Variants in ADCY8 observed in about 807,000 individuals in gnomAD.
ADCY8 encodes adenylate cyclase type 8.
In ADCY8, 51 loss-of-function variants were observed where a neutral mutation model predicts 119.7. That is an observed-to-expected ratio of 0.43 (90% CI 0.34 to 0.54). The LOEUF (loss-of-function observed/expected upper bound fraction) is 0.54. Ranked by LOEUF, ADCY8 falls within the 20% of genes least tolerant of loss-of-function variation. The pLI, the probability that ADCY8 is intolerant of heterozygous loss-of-function variation, is 0.03. For synonymous variants in ADCY8, 665 were observed against 651.0 expected (o/e 1.02, Z -0.33); for missense variants, 1,383 against 1,598.8 (o/e 0.87, Z 2.30).
chr8:130,943,126 C>G (rs923168165), intron 4 of ADCY8, among the ~76,000 whole-genome samples: 1 of 152,182 alleles, frequency 6.6e-6, no homozygotes, highest in African/African-American at 2.4e-5. Context: ...GTCACTCAAC[C>G]AGCCGTCTCT....
chr8:130,874,062 C>T lies in ADCY8; in HGVS notation c.2110-6116G>A, dbSNP rs1052998137. 4.6e-5 allele frequency among the ~76,000 whole-genome samples: 7 copies of T among 152,158 alleles called. 1 individual carries two copies. The South Asian group carries it at 1.2e-3, about 27-fold the overall frequency. On this transcript the variant is annotated intron_variant, in intron 8 of 17. Coordinates refer to ENST00000286355, the MANE Select transcript of ADCY8 (RefSeq NM_001115.3). The stretch of plus-strand genomic sequence containing the variant: ...GTGGCTCATGCCTGTAATCCCAGTG[C>T]TTTGGGAGGCCGAGGTGGGTGGATC...
At chr8:130,994,894 G>T (rs1822718035) in intron 1 of ADCY8, among the ~76,000 whole-genome samples, 1 of 152,022 alleles carries the variant, frequency 6.6e-6, no homozygotes, top group South Asian at 2.1e-4. Context: ...TCTGAACATT[G>T]TGGGCATGTT....
chr8:130,904,180 T>C (rs538614220), intron 6 of ADCY8, 138 bp from the exon 7 acceptor site: 9 of 855,654 alleles, frequency 1.1e-5, no homozygotes, highest in African/African-American at 3.3e-5. Flanking sequence ...ATACTTGTCT[T>C]CCTAAAAAGT....
chr8:130,896,567 A>G (rs1222642371), intron 7 of ADCY8, among the ~76,000 whole-genome samples: 1 of 152,182 alleles, frequency 6.6e-6, no homozygotes, highest in Admixed American at 6.6e-5. Context: ...CATGGTGAAA[A>G]CAGGACCTTG....
In ADCY8 at chr8:130,969,847, C is replaced by T. The variant is rs79143998; in HGVS notation, c.1111-17849G>A. Among the ~76,000 whole-genome samples the T allele has an allele frequency of 9.0e-3, 1,373 of 152,308 alleles. 16 individuals are homozygous for T. Among genetic ancestry groups the T allele is most frequent in the Middle Eastern group, 0.034 (10 of 294 alleles). On this transcript the variant is annotated intron_variant, in intron 2 of 17. Coordinates refer to ENST00000286355, the MANE Select transcript of ADCY8 (RefSeq NM_001115.3). ...ACTGAGGCTCAGAGAAGATTAGGGA[C>T]TTGCCTAAGATCACACAACAAGTGA...
intron 5 of ADCY8, among the ~76,000 whole-genome samples, chr8:130,928,183 C>T (rs1016197590): frequency 1.3e-5 from 2 of 152,178 alleles, no homozygotes; most frequent in African/African-American, 4.8e-5. Flanking sequence ...GTGATCTTCC[C>T]TCCTCAGCCT....
chr8:131,002,370 C>T (rs1003397151), intron 1 of ADCY8, among the ~76,000 whole-genome samples: 2 of 152,088 alleles, frequency 1.3e-5, no homozygotes, highest in South Asian at 2.1e-4. Context: ...ACTTGAGGAA[C>T]AGTTATCGCG....
At chr8:130,923,987 T>A (rs1820389121) in intron 5 of ADCY8, among the ~76,000 whole-genome samples, 1 of 152,242 alleles carries the variant, frequency 6.6e-6, no homozygotes, top group Non-Finnish European at 1.5e-5. Context: ...GTATTAGAAA[T>A]GTACCAATGT....
At chr8:130,942,008 A>T (rs1198121652) in intron 4 of ADCY8, among the ~76,000 whole-genome samples, 2 of 152,158 alleles carry the variant, frequency 1.3e-5, no homozygotes, top group Non-Finnish European at 2.9e-5. Flanking sequence ...CCATAATAAA[A>T]ATATAAATCA....
chr8:130,921,001 T>G (rs1192429045), intron 5 of ADCY8, among the ~76,000 whole-genome samples: 3 of 152,232 alleles, frequency 2.0e-5, no homozygotes, highest in African/African-American at 7.2e-5. Context: ...TAAAACAAAT[T>G]TTTATAAGTA....
At chr8:131,014,635 A>G (rs1823412733) in intron 1 of ADCY8, among the ~76,000 whole-genome samples, 2 of 152,208 alleles carry the variant, frequency 1.3e-5, no homozygotes, top group Admixed American at 1.3e-4. Flanking sequence ...CTAGCCTAGT[A>G]GTTCAAAGAT....
rs1396621693 is a variant in ADCY8 at position 130,869,510 on chromosome 8, TTTTTTTTG to T, written c.2110-1572_2110-1565del. On this transcript the variant is annotated intron_variant, in intron 8 of 17. Transcript: ENST00000286355. ...ACTGTTTTTTTTTTATTTTGTTTAT[TTTTTTTTG>T]TTTTTTTGTTTTTTTTTGAGACAGA... Among the ~76,000 whole-genome samples the T allele has an allele frequency of 7.2e-5, 8 of 111,372 alleles. 1 individual carries two copies. Among genetic ancestry groups the T allele is most frequent in the Non-Finnish European group, 3.6e-5 (2 of 55,076 alleles). The allele number at this position is 111,372 out of a possible 152,430, so 73.1% of individuals were successfully genotyped here.
At chr8:130,806,873 G>C (rs1429171558) in intron 14 of ADCY8, among the ~76,000 whole-genome samples, 1 of 152,038 alleles carries the variant, frequency 6.6e-6, no homozygotes, top group Non-Finnish European at 1.5e-5. Context: ...AGAGGTGAAG[G>C]GATTTTGAGG....
At chr8:130,990,343 TAG>T in intron 2 of ADCY8, 48 bp downstream of exon 2, 1 of 1,594,734 alleles carries the variant, frequency 6.3e-7, no homozygotes, top group Non-Finnish European at 8.5e-7. Flanking sequence ...CCATATAATT[TAG>T]AGACTGGCTA....
intron 5 of ADCY8, among the ~76,000 whole-genome samples, chr8:130,918,374 A>G (rs896363107): frequency 6.6e-6 from 1 of 152,112 alleles, no homozygotes; most frequent in Non-Finnish European, 1.5e-5. Context: ...GCCTCATTTA[A>G]ACCTAATTAG....
chr8:130,797,474 C>T lies in ADCY8; in HGVS notation c.3060+2952G>A, dbSNP rs1426781479. Among the ~76,000 whole-genome samples the T allele has an allele frequency of 3.3e-5, 5 of 152,142 alleles. No homozygotes were observed. In the East Asian group the frequency reaches 9.6e-4, roughly 29 times the overall value. ...AACCTATCTTCACCTTACTATCTGCCAGCTTGTTTCTGTCCCCCCATTAAT... is the reference window on the plus strand; with the variant it reads ...AACCTATCTTCACCTTACTATCTGCTAGCTTGTTTCTGTCCCCCCATTAAT... On this transcript the variant is annotated intron_variant, in intron 15 of 17. Transcript: ENST00000286355.
intron 1 of ADCY8, among the ~76,000 whole-genome samples, chr8:131,006,182 T>C (rs762924761): frequency 3.3e-5 from 5 of 152,306 alleles, no homozygotes; most frequent in East Asian, 1.9e-4. Context: ...CAGCAAACTG[T>C]TATCATACTG....
At chr8:130,905,384 T>C (rs950524895) in intron 6 of ADCY8, among the ~76,000 whole-genome samples, 6 of 152,152 alleles carry the variant, frequency 3.9e-5, no homozygotes, top group Admixed American at 2.0e-4. Context: ...TTCAAGTAAT[T>C]GGCAATTCTC....
intron 11 of ADCY8, among the ~76,000 whole-genome samples, chr8:130,837,969 T>C (rs1586466244): frequency 6.6e-6 from 1 of 152,238 alleles, no homozygotes; most frequent in Non-Finnish European, 1.5e-5. Flanking sequence ...ATATTGGACT[T>C]GATAATTTCT....
Sources: allele counts gnomAD v4.1 joint callset (sites outside exome capture counted in the v4.1 genomes callset), GRCh38; gene constraint gnomAD v4.1.1; transcripts MANE v1.5; gene names NCBI Gene and HGNC (gene_info 2026-07-23, HGNC 2026-07-21).